The following POU6F2 variants were observed in gnomAD, a reference collection of about 807,000 sequenced individuals.
POU6F2 encodes POU domain, class 6, transcription factor 2.
A neutral mutation model predicts 71.3 loss-of-function variants in POU6F2; 31 were observed. That is an observed-to-expected ratio of 0.43 (90% CI 0.33 to 0.59). The LOEUF (loss-of-function observed/expected upper bound fraction) is 0.59, where lower values mean the gene tolerates loss of function less well. Among genes scored for constraint, POU6F2 ranks in the 20% least tolerant of loss-of-function variants. The probability of loss-of-function intolerance (pLI) is 0.04; values close to 1 mark genes in which losing one functional copy is unlikely to be tolerated. For missense variants in POU6F2, 783 were observed against 856.8 expected (o/e 0.91, Z 1.07); for synonymous variants, 347 against 355.7 (o/e 0.98, Z 0.27).
chr7:39,277,967 G>C (rs1003341741), intron 4 of POU6F2, among the ~76,000 whole-genome samples: 1 of 152,056 alleles, frequency 6.6e-6, no homozygotes, highest in African/African-American at 2.4e-5. Context: ...TGAGTCAGGA[G>C]AATCGCTTGA....
At chr7:39,243,775 A>G (rs1489864469) in intron 4 of POU6F2, among the ~76,000 whole-genome samples, 9 of 152,040 alleles carry the variant, frequency 5.9e-5, no homozygotes, top group Admixed American at 1.3e-4. Flanking sequence ...TCTAATCCCC[A>G]GAAATGAAGT....
chr7:39,462,376 A>G (rs1265618207), intron 9 of POU6F2, among the ~76,000 whole-genome samples: 1 of 152,218 alleles, frequency 6.6e-6, no homozygotes, highest in Non-Finnish European at 1.5e-5. Context: ...GAACAATTTA[A>G]GTGAATTCAA....
chr7:39,431,669 T>G lies in POU6F2; in HGVS notation c.1114-1408T>G, dbSNP rs150570326. ...CACGTGGGGTCAGCCAGACCTGGAC[T>G]GTAGCCCCAGATTGTCACTTACAAA... On this transcript the variant is annotated intron_variant, in intron 6 of 9. Transcript: ENST00000518318. 4.2e-3 allele frequency among the ~76,000 whole-genome samples: 639 copies of G among 152,316 alleles called. 8 individuals are homozygous for G. Among genetic ancestry groups the G allele is most frequent in the African/African-American group, 0.015 (604 of 41,556 alleles).
At chr7:39,295,531 G>A (rs1429352579) in intron 4 of POU6F2, among the ~76,000 whole-genome samples, 2 of 152,198 alleles carry the variant, frequency 1.3e-5, no homozygotes, top group Admixed American at 6.5e-5. Context: ...CAGGAGAATC[G>A]CTTGAACCTG....
rs147166436 is a variant in POU6F2 at position 38,997,084 on chromosome 7, A to T, written c.105+19026A>T. On this transcript the variant is annotated intron_variant, in intron 1 of 9. Transcript: ENST00000518318. The stretch of plus-strand genomic sequence containing the variant: ...ACAAATTTAACTTCAGAAGCCCCAA[A>T]TGTAGAGCAGAGAAAGGCAGTGGGG... Among the ~76,000 whole-genome samples, 39 of 152,288 alleles carry T rather than the reference A, an allele frequency of 2.6e-4. No homozygotes were observed. The East Asian group carries it at 7.1e-3, about 28-fold the overall frequency.
chr7:39,163,760 A>G lies in POU6F2; in HGVS notation c.278-40475A>G, dbSNP rs991375671. On this transcript the variant is annotated intron_variant, in intron 2 of 9. Coordinates refer to ENST00000518318, the MANE Select transcript of POU6F2 (RefSeq NM_001370959.1). ...TTACAATAGATCAGAAATGGAAACA[A>G]CTAGGTGTCCATCAGTGGATGAATG... 3.9e-5 allele frequency among the ~76,000 whole-genome samples: 6 copies of G among 152,210 alleles called. No homozygotes were observed. The South Asian group carries it at 1.0e-3, about 26-fold the overall frequency.
chr7:39,035,686 T>C, intron 1 of POU6F2, among the ~76,000 whole-genome samples: 1 of 151,630 alleles, frequency 6.6e-6, no homozygotes, highest in East Asian at 1.9e-4. Context: ...TTCCATTAAG[T>C]TGAAACACAT....
chr7:39,353,211 T>A (rs1562800351), intron 5 of POU6F2, among the ~76,000 whole-genome samples: 1 of 152,192 alleles, frequency 6.6e-6, no homozygotes, highest in African/African-American at 2.4e-5. Context: ...GAAATCTCAT[T>A]CACACTTTCA....
intron 2 of POU6F2, among the ~76,000 whole-genome samples, chr7:39,114,566 T>C (rs1157579377): frequency 1.3e-5 from 2 of 151,982 alleles, no homozygotes; most frequent in African/African-American, 4.8e-5. Flanking sequence ...CACTTGAAGT[T>C]AATAAAAAGG....
intron 1 of POU6F2, among the ~76,000 whole-genome samples, chr7:39,007,508 CT>C (rs1337721161): frequency 6.6e-6 from 1 of 152,122 alleles, no homozygotes; most frequent in Non-Finnish European, 1.5e-5. Flanking sequence ...CTAATTGCTT[CT>C]TTTAAATTAG....
chr7:39,140,296 G>A (rs1169638707), intron 2 of POU6F2, among the ~76,000 whole-genome samples: 1 of 152,196 alleles, frequency 6.6e-6, no homozygotes, highest in East Asian at 1.9e-4. Context: ...AATAGCATAT[G>A]CTAAGGGGTG....
chr7:38,998,943 C>T (rs1788823078), intron 1 of POU6F2, among the ~76,000 whole-genome samples: 3 of 151,298 alleles, frequency 2.0e-5, no homozygotes, highest in Admixed American at 6.6e-5. Context: ...GGATTACAGG[C>T]GTGAGCCACT....
At chr7:39,258,685 T>G (rs1014251561) in intron 4 of POU6F2, among the ~76,000 whole-genome samples, 2 of 148,240 alleles carry the variant, frequency 1.3e-5, no homozygotes, top group African/African-American at 4.9e-5. Context: ...CTTTTTGGAT[T>G]TTTACTCTAG....
intron 5 of POU6F2, among the ~76,000 whole-genome samples, chr7:39,345,437 A>G (rs1786015275): frequency 6.6e-6 from 1 of 152,248 alleles, no homozygotes; most frequent in Admixed American, 6.5e-5. Flanking sequence ...CAAATTTTGC[A>G]CAGTAGAAAA....
At chr7:39,260,256 C>G (rs118146316) in intron 4 of POU6F2, among the ~76,000 whole-genome samples, 11,774 of 149,288 alleles carry the variant, frequency 0.079, 511 homozygotes, top group South Asian at 0.2. Flanking sequence ...CCCCGACACA[C>G]ACACTCCATA....
At chr7:39,424,035 A>G (rs1467053023) in intron 6 of POU6F2, among the ~76,000 whole-genome samples, 2 of 152,220 alleles carry the variant, frequency 1.3e-5, no homozygotes, top group African/African-American at 4.8e-5. Flanking sequence ...TCACAGTGCC[A>G]GCAGATTCAG....
intron 1 of POU6F2, among the ~76,000 whole-genome samples, chr7:39,060,389 G>T (rs1360580570): frequency 6.6e-6 from 1 of 152,150 alleles, no homozygotes; most frequent in Non-Finnish European, 1.5e-5. Context: ...GTTGATTCTG[G>T]TGATGGCTGC....
chr7:39,016,942 G>A (rs1295138851), intron 1 of POU6F2, among the ~76,000 whole-genome samples: 4 of 152,182 alleles, frequency 2.6e-5, no homozygotes, highest in Admixed American at 6.5e-5. Context: ...AGACCTTGCC[G>A]AAAATTTGGT....
intron 2 of POU6F2, among the ~76,000 whole-genome samples, chr7:39,095,254 T>A (rs1371011100): frequency 6.6e-6 from 1 of 152,192 alleles, no homozygotes; most frequent in Admixed American, 6.6e-5. Context: ...CCCAAGAAAT[T>A]GCTCCAATTT....
Sources: allele counts gnomAD v4.1 joint callset (sites outside exome capture counted in the v4.1 genomes callset), GRCh38; gene constraint gnomAD v4.1.1; transcripts MANE v1.5; gene names NCBI Gene and HGNC (gene_info 2026-07-23, HGNC 2026-07-21).